The following STK3 variants were observed in gnomAD, a reference collection of about 807,000 sequenced individuals.
STK3 encodes serine/threonine kinase 3.
Under a neutral mutation model 58.0 loss-of-function variants are expected in STK3, and 41 were observed. The observed-to-expected ratio is 0.71, with a 90% confidence interval of 0.55 to 0.92. The LOEUF is 0.92. Ranked by LOEUF, STK3 falls within the 40% of genes least tolerant of loss-of-function variation. The pLI is 0.00. For missense variants in STK3, 479 were observed against 602.7 expected (o/e 0.79, Z 2.15); for synonymous variants, 170 against 191.0 (o/e 0.89, Z 0.91).
At chr8:98,711,986 C>A (rs553212841) in intron 4 of STK3, among the ~76,000 whole-genome samples, 3 of 152,278 alleles carry the variant, frequency 2.0e-5, no homozygotes, top group African/African-American at 4.8e-5. Flanking sequence ...AGTCAAGATT[C>A]TTAAAGAAAA....
intron 6 of STK3, among the ~76,000 whole-genome samples, chr8:98,670,230 G>A (rs182156743): frequency 9.2e-5 from 14 of 152,190 alleles, no homozygotes; most frequent in South Asian, 8.3e-4. Context: ...TTAGCTAGGC[G>A]TGGTGGTGTG....
intron 1 of STK3, among the ~76,000 whole-genome samples, chr8:98,901,564 G>A (rs1350622292): frequency 6.6e-6 from 1 of 152,250 alleles, no homozygotes; most frequent in African/African-American, 2.4e-5. Flanking sequence ...TGCAACTGCA[G>A]GAGCAGCAGG....
At chr8:98,826,945 C>A (rs1267513421), upstream of STK3, among the ~76,000 whole-genome samples, 1 of 134,084 alleles carries the variant, frequency 7.5e-6, no homozygotes, top group Non-Finnish European at 1.5e-5. Flanking sequence ...ATCACTTGAA[C>A]CCGGGAGGCA....
At chr8:98,389,915 G>A (rs184156700), upstream of STK3, among the ~76,000 whole-genome samples, 116 of 152,058 alleles carry the variant, frequency 7.6e-4, no homozygotes, top group African/African-American at 2.7e-3. Context: ...CATGAGATGG[G>A]ATGCGACTGA....
intron 7 of STK3, among the ~76,000 whole-genome samples, chr8:98,590,693 T>G (rs1815231018): frequency 6.6e-6 from 1 of 152,244 alleles, no homozygotes; most frequent in African/African-American, 2.4e-5. Flanking sequence ...CTTTTAAGTA[T>G]GCCTCATGTA....
At chr8:98,733,954 C>A (rs567136585) in intron 4 of STK3, among the ~76,000 whole-genome samples, 19 of 152,142 alleles carry the variant, frequency 1.2e-4, no homozygotes, top group Non-Finnish European at 2.4e-4. Context: ...GTTCCACAGG[C>A]TGTACAGGAG....
chr8:98,486,281 A>G (rs1822249292), intron 10 of STK3, among the ~76,000 whole-genome samples: 1 of 152,256 alleles, frequency 6.6e-6, no homozygotes, highest in Admixed American at 6.5e-5. Context: ...TTATTTATTC[A>G]ACATCATATA....
At chr8:98,588,835 C>G (rs985891505) in intron 7 of STK3, among the ~76,000 whole-genome samples, 82 of 151,994 alleles carry the variant, frequency 5.4e-4, no homozygotes, top group African/African-American at 1.9e-3. Context: ...CTTCTCGCTT[C>G]ATTTCACTCA....
chr8:98,591,444 G>T (rs942624814), intron 7 of STK3, among the ~76,000 whole-genome samples: 1 of 152,174 alleles, frequency 6.6e-6, no homozygotes, highest in Non-Finnish European at 1.5e-5. Context: ...CTTCATTGGG[G>T]TTTATCAGGA....
chr8:98,477,330 T>C (rs1274470145), intron 10 of STK3, among the ~76,000 whole-genome samples: 3 of 152,092 alleles, frequency 2.0e-5, no homozygotes, highest in African/African-American at 7.2e-5. Flanking sequence ...CTCCTGTTGA[T>C]CTATCTATGT....
intron 10 of STK3, among the ~76,000 whole-genome samples, chr8:98,479,416 G>A (rs1252859420): frequency 6.7e-6 from 1 of 149,498 alleles, no homozygotes; most frequent in Non-Finnish European, 1.5e-5. Flanking sequence ...GAGTCCGGGA[G>A]GTGGAGGTTG....
chr8:98,700,318 C>G (rs1168270618), intron 6 of STK3, among the ~76,000 whole-genome samples: 1 of 152,200 alleles, frequency 6.6e-6, no homozygotes, highest in Non-Finnish European at 1.5e-5. Flanking sequence ...TTGCACTTCC[C>G]GAGTGAGGCA....
intron 10 of STK3, among the ~76,000 whole-genome samples, chr8:98,480,015 A>G (rs1206527359): frequency 6.6e-6 from 1 of 152,204 alleles, no homozygotes; most frequent in Admixed American, 6.5e-5. Flanking sequence ...GATTGGAAAA[A>G]GGTCAGTGAA....
chr8:98,681,237 T>C (rs1327045363), intron 6 of STK3, among the ~76,000 whole-genome samples: 1 of 152,016 alleles, frequency 6.6e-6, no homozygotes. Context: ...GACCTTGTGA[T>C]CCAACCACCT....
chr8:98,429,231 C>T (rs149723156), intron 3 of STK3: 173 of 1,613,904 alleles, frequency 1.1e-4, no homozygotes, highest in Non-Finnish European at 1.4e-4. Flanking sequence ...CCACTTTTAC[C>T]GGCGCCAAAA....
intron 3 of STK3, among the ~76,000 whole-genome samples, chr8:98,878,428 C>T (rs1329100506): frequency 6.6e-6 from 1 of 152,200 alleles, no homozygotes; most frequent in African/African-American, 2.4e-5. Flanking sequence ...GGATTAACTG[C>T]TCCACCCTGA....
intron 9 of STK3, among the ~76,000 whole-genome samples, chr8:98,545,131 A>G (rs529152674): frequency 2.0e-5 from 3 of 152,346 alleles, no homozygotes; most frequent in African/African-American, 7.2e-5. Flanking sequence ...AATCTACTCC[A>G]GGATAATAAA....
chr8:98,466,749 C>T (rs1820496889), intron 10 of STK3, among the ~76,000 whole-genome samples: 1 of 152,138 alleles, frequency 6.6e-6, no homozygotes, highest in Non-Finnish European at 1.5e-5. Context: ...TAGTATTATC[C>T]TAGTGCCCAC....
chr8:98,747,876 A>G (rs924191878), intron 4 of STK3, among the ~76,000 whole-genome samples: 14 of 152,184 alleles, frequency 9.2e-5, no homozygotes, highest in Admixed American at 6.5e-4. Flanking sequence ...ACTCCCCAAC[A>G]TGCTCAGTGG....
Sources: gnomAD v4.1 joint callset for allele counts (sites outside exome capture counted in the v4.1 genomes callset) on GRCh38, gnomAD v4.1.1 for gene constraint, MANE v1.5 for transcripts, NCBI Gene and HGNC (gene_info 2026-07-23, HGNC 2026-07-21) for gene names.